Variants in SGIP1 observed in about 807,000 individuals in gnomAD.
SGIP1 encodes SH3GL interacting endocytic adaptor 1.
A neutral mutation model predicts 107.5 loss-of-function variants in SGIP1; 38 were observed. The observed-to-expected ratio is 0.35, with a 90% CI of 0.27 to 0.46. The LOEUF is 0.46. SGIP1 is among the 20% of genes least tolerant of loss of function. SGIP1 has a pLI of 1.00. For missense variants in SGIP1, 929 were observed against 1,019.5 expected (o/e 0.91, Z 1.21); for synonymous variants, 365 against 366.1 (o/e 1.00, Z 0.03).
chr1:66,591,133 G>A (rs938610337), intron 1 of SGIP1, among the ~76,000 whole-genome samples: 1 of 152,166 alleles, frequency 6.6e-6, no homozygotes, highest in Non-Finnish European at 1.5e-5. Context: ...CTTACTGCAG[G>A]AGTGAGAAGA....
chr1:66,735,976 G>A (rs1052876855), intron 21 of SGIP1, among the ~76,000 whole-genome samples: 2 of 150,924 alleles, frequency 1.3e-5, no homozygotes, highest in East Asian at 1.9e-4. Flanking sequence ...GAAGGAAGTT[G>A]TACTTTAATA....
chr1:66,566,872 C>T (rs1455480351), intron 1 of SGIP1, among the ~76,000 whole-genome samples: 2 of 151,948 alleles, frequency 1.3e-5, no homozygotes, highest in African/African-American at 2.4e-5. Context: ...GCCCCCCACC[C>T]CCTAACAGGG....
intron 1 of SGIP1, among the ~76,000 whole-genome samples, chr1:66,625,581 G>A (rs1237505856): frequency 6.6e-6 from 1 of 152,184 alleles, no homozygotes; most frequent in Non-Finnish European, 1.5e-5. Context: ...AGAAAATCTT[G>A]CAATCTTTTC....
At chr1:66,592,207 G>A (rs1251136141) in intron 1 of SGIP1, among the ~76,000 whole-genome samples, 1 of 152,132 alleles carries the variant, frequency 6.6e-6, no homozygotes, top group African/African-American at 2.4e-5. Context: ...ATCACATGGG[G>A]GAAACCTTGG....
intron 1 of SGIP1, among the ~76,000 whole-genome samples, chr1:66,535,196 T>C (rs967620880): frequency 6.6e-5 from 10 of 152,164 alleles, no homozygotes; most frequent in Admixed American, 3.9e-4. Flanking sequence ...GCCAAGATTG[T>C]CTCCAAAAAG....
intron 1 of SGIP1, among the ~76,000 whole-genome samples, chr1:66,624,012 C>T (rs2071946981): frequency 6.6e-6 from 1 of 152,148 alleles, no homozygotes; most frequent in African/African-American, 2.4e-5. Context: ...ACAAAGAGTA[C>T]TGGAATGTGT....
At chr1:66,641,259 G>A (rs946811214) in intron 5 of SGIP1, among the ~76,000 whole-genome samples, 1 of 152,138 alleles carries the variant, frequency 6.6e-6, no homozygotes, top group African/African-American at 2.4e-5. Context: ...AAATTTAACC[G>A]TAGTAGTCAT....
chr1:66,739,801 A>G (rs2094387904), intron 22 of SGIP1, among the ~76,000 whole-genome samples: 1 of 152,234 alleles, frequency 6.6e-6, no homozygotes, highest in Non-Finnish European at 1.5e-5. Context: ...CTGGCCTGCC[A>G]CAATCCCGGG....
intron 1 of SGIP1, among the ~76,000 whole-genome samples, chr1:66,572,253 G>A (rs2060481008): frequency 6.6e-6 from 1 of 151,878 alleles, no homozygotes. Context: ...TCCCTAAAAT[G>A]GAAAGATAAT....
chr1:66,571,200 C>T (rs1470728766), intron 1 of SGIP1, among the ~76,000 whole-genome samples: 2 of 151,862 alleles, frequency 1.3e-5, no homozygotes, highest in Non-Finnish European at 2.9e-5. Flanking sequence ...AAAAAGGAAG[C>T]AAACAGACAA....
At chr1:66,585,219 A>T (rs2062421818) in intron 1 of SGIP1, among the ~76,000 whole-genome samples, 1 of 152,038 alleles carries the variant, frequency 6.6e-6, no homozygotes, top group Non-Finnish European at 1.5e-5. Context: ...TGCTTCTTGC[A>T]TTCTTAGCCA....
At chr1:66,680,606 C>T (rs1036985389) in intron 14 of SGIP1, among the ~76,000 whole-genome samples, 1 of 152,174 alleles carries the variant, frequency 6.6e-6, no homozygotes, top group African/African-American at 2.4e-5. Context: ...AGAGAGTCAT[C>T]CAGAGCTTCA....
intron 1 of SGIP1, among the ~76,000 whole-genome samples, chr1:66,547,765 AT>A (rs2056677289): frequency 6.6e-6 from 1 of 152,194 alleles, no homozygotes; most frequent in Non-Finnish European, 1.5e-5. Context: ...ATCATCTCAG[AT>A]TACGGTAAAA....
chr1:66,681,805 C>T (rs1401851338), intron 14 of SGIP1, 64 bp from the exon 15 acceptor site: 1 of 1,522,550 alleles, frequency 6.6e-7, no homozygotes, highest in Non-Finnish European at 8.9e-7. Flanking sequence ...CTTTGCCTCC[C>T]TCCCTCACTC....
intron 1 of SGIP1, among the ~76,000 whole-genome samples, chr1:66,553,347 AT>A (rs538326205): frequency 6.9e-4 from 103 of 150,014 alleles, no homozygotes; most frequent in South Asian, 5.8e-3. Flanking sequence ...TATAGATGGC[AT>A]TTTTTTTTTC....
rs869266510 is a variant in SGIP1, at chr1:66,683,700, C to CTTTTTTTTTTTTTTTTT, written c.1315+1343_1315+1359dup. Reference sequence around the variant, plus strand: ...ACCACACTGTTTGTTTGTTTCTTTTCTTTTTTTTTTTTTTTTTTTTTTTTT... The same window carrying CTTTTTTTTTTTTTTTTT: ...ACCACACTGTTTGTTTGTTTCTTTTCTTTTTTTTTTTTTTTTTTTTTTTTTTTTTTTTTTTTTTTTTT... On this transcript the variant is annotated intron_variant, in intron 15 of 24. Coordinates refer to ENST00000371037, the MANE Select transcript of SGIP1 (RefSeq NM_032291.4). 1.6e-3 allele frequency among the ~76,000 whole-genome samples: 99 copies of CTTTTTTTTTTTTTTTTT among 61,392 alleles called. 13 individuals carry two copies. The highest frequency in any genetic ancestry group is 9.9e-3 in the East Asian group (9 of 908). 40.3% of individuals were successfully genotyped at this position (61,392 alleles called of 152,430 possible).
intron 8 of SGIP1, among the ~76,000 whole-genome samples, chr1:66,665,604 C>T (rs1220260567): frequency 6.6e-6 from 1 of 152,196 alleles, no homozygotes; most frequent in Non-Finnish European, 1.5e-5. Flanking sequence ...TAAAAACATT[C>T]CTATTTCTCC....
chr1:66,653,671 G>A (rs1276328382), intron 7 of SGIP1, among the ~76,000 whole-genome samples: 5 of 152,098 alleles, frequency 3.3e-5, no homozygotes, highest in Non-Finnish European at 7.4e-5. Context: ...ATTGAATAAG[G>A]CTGTGTACTC....
intron 19 of SGIP1, among the ~76,000 whole-genome samples, chr1:66,722,978 A>G (rs538629502): frequency 3.9e-5 from 6 of 152,220 alleles, no homozygotes; most frequent in Non-Finnish European, 8.8e-5. Flanking sequence ...TTTTATTGCC[A>G]TAAATAGTTG....
Sources: allele counts gnomAD v4.1 joint callset (sites outside exome capture counted in the v4.1 genomes callset), GRCh38; gene constraint gnomAD v4.1.1; transcripts MANE v1.5; gene names NCBI Gene and HGNC (gene_info 2026-07-23, HGNC 2026-07-21).